The following OLFM1 variants were observed in gnomAD, a reference collection of about 807,000 sequenced individuals.
The protein encoded by OLFM1 is noelin.
A neutral mutation model predicts 49.7 loss-of-function variants in OLFM1; 9 were observed. The ratio of observed to expected loss-of-function variants is 0.18; its 90% confidence interval spans 0.11 to 0.32. The LOEUF (loss-of-function observed/expected upper bound fraction) is 0.32, where lower values mean the gene tolerates loss of function less well. OLFM1 is among the 10% of genes least tolerant of loss of function. The pLI is 1.00. For missense variants in OLFM1, 369 were observed against 661.8 expected, an observed-to-expected ratio of 0.56 and a Z score of 4.85; for synonymous variants, 240 against 271.8, an observed-to-expected ratio of 0.88 and a Z score of 1.15.
chr9:135,081,629 C>T (rs1219705935), intron 1 of OLFM1, among the ~76,000 whole-genome samples: 1 of 152,172 alleles, frequency 6.6e-6, no homozygotes, highest in Admixed American at 6.5e-5. Context: ...ACGTAGGCAG[C>T]CCTGTGCCCG....
Position 135,098,550 on chromosome 9 carries a change from C to T in OLFM1, c.676+45C>T. 6.5e-7 allele frequency: 1 copy of T among 1,533,398 alleles called. No homozygotes were observed. The highest frequency in any genetic ancestry group is 2.2e-5 in the East Asian group (1 of 44,464). 95.0% of individuals were successfully genotyped at this position (1,533,398 alleles called of 1,614,324 possible). On this transcript the variant is annotated intron_variant, in intron 4 of 5. Coordinates refer to ENST00000371793, the MANE Select transcript of OLFM1 (RefSeq NM_001282611.2). The surrounding 1 kb of genome is among the most constrained non-coding windows in gnomAD (Gnocchi z 5.6). ...GGACGTGGCGCTGCACTGCCCACCT[C>T]CGGCACACGCACAGGCTTAGGGAGT...
At chr9:135,118,383 G>A (rs912745039) in intron 5 of OLFM1, among the ~76,000 whole-genome samples, 1,595 of 146,150 alleles carry the variant, frequency 0.011, 47 homozygotes, top group African/African-American at 0.037. Flanking sequence ...TCTTTGGAGT[G>A]CTCGCTGGGT....
In OLFM1 at chr9:135,087,953, C is replaced by A; in HGVS notation, c.-37C>A. 7.2e-7 allele frequency: 1 copy of A among 1,392,292 alleles called. No individual in the cohort carries two copies. The highest frequency in any genetic ancestry group is 9.4e-7 in the Non-Finnish European group (1 of 1,059,688). 86.2% of individuals were successfully genotyped at this position (1,392,292 alleles called of 1,614,324 possible). On this transcript the variant is annotated 5_prime_UTR_variant, in exon 1 of 6. Transcript: ENST00000371793. ...GCCGCCTGGGCGCGGGAGCCGGTGC[C>A]AGCTCGGAGCGGGCGCTGGAGGCAG...
chr9:135,075,745 G>C, exon 1 of OLFM1: 4 of 1,605,752 alleles, frequency 2.5e-6, no homozygotes, highest in Non-Finnish European at 3.4e-6. Flanking sequence ...ACATGCACCC[G>C]GCCCGGAAGC....
Position 135,088,238 on chromosome 9 carries a change from C to T in OLFM1, c.150+99C>T, listed in dbSNP as rs1467708761. 1.6e-5 allele frequency: 18 copies of T among 1,118,952 alleles called. No homozygotes were observed. The highest frequency in any genetic ancestry group is 1.3e-5 in the Non-Finnish European group (12 of 892,240). The allele number at this position is 1,118,952 out of a possible 1,614,324, so 69.3% of individuals were successfully genotyped here. A position where few individuals can be genotyped will look rare whatever the true frequency, so the allele number is the denominator to read the frequency against. ...CGGGCTGGGCGGGCGCCGCGCGGGA[C>T]CCGAGTCGCCCAGGGAGGCGGCGGG... On this transcript the variant is annotated intron_variant, in intron 1 of 5. Coordinates refer to ENST00000371793, the MANE Select transcript of OLFM1 (RefSeq NM_001282611.2). This position sits in a 1 kb window ranked among gnomAD's most constrained non-coding sequence, Gnocchi z 4.8.
chr9:135,095,869 G>A lies in OLFM1; in HGVS notation c.306G>A (p.Gln102=). 6.2e-7 allele frequency: 1 copy of A among 1,612,974 alleles called. No individual in the cohort carries two copies. The highest frequency in any genetic ancestry group is 8.5e-7 in the Non-Finnish European group (1 of 1,179,444). Residue 102 remains glutamine, a synonymous_variant, in exon 3 of 6, where the codon CAG becomes CAA. Coordinates refer to ENST00000371793, the MANE Select transcript of OLFM1 (RefSeq NM_001282611.2). ...ACCTGTTGCCCTTTTGACAGGTGCA[G>A]AACATGTCTCAATCCATAGAGGTCT... ...KQLRQLLEKV[Q]NMSQSIEVLD... is the part of the protein sequence containing the mutation.
intron 5 of OLFM1, among the ~76,000 whole-genome samples, chr9:135,114,091 A>AT (rs1210710084): frequency 7.4e-6 from 1 of 134,806 alleles, no homozygotes; most frequent in African/African-American, 2.8e-5. Context: ...TTTAGGGCCC[A>AT]CCTTCATCCA....
Position 135,090,204 on chromosome 9 carries a change from A to G in OLFM1, c.160A>G (p.Thr54Ala). The G allele has an allele frequency of 6.2e-7, 1 of 1,607,094 alleles. No homozygotes were observed. Among genetic ancestry groups the G allele is most frequent in the Non-Finnish European group, 8.5e-7 (1 of 1,174,842 alleles). The part of the protein sequence containing the change: ...TLDRSTGVLP[T>A]NPEESWQVYS... Reference sequence around the variant, plus strand: ...CCCCGCCCCTCTCCAGGTGCTGCCCACCAACCCTGAGGAGAGCTGGCAGGT... The same window carrying G: ...CCCCGCCCCTCTCCAGGTGCTGCCCGCCAACCCTGAGGAGAGCTGGCAGGT... Residue 54 changes from threonine to alanine, a missense_variant, in exon 2 of 6, where the codon ACC becomes GCC. Physicochemically the swap from Thr to Ala is moderately conservative, Grantham distance 58 (BLOSUM62 0). Around this residue, in one of 3 missense-constraint regions of OLFM1, gnomAD observed 55 missense variants for 53.3 expected, o/e 1.03. Transcript: ENST00000371793.
rs1221993678 is a variant in OLFM1, at chr9:135,088,918, C to T, written c.150+779C>T. 6.6e-6 allele frequency among the ~76,000 whole-genome samples: 1 copy of T among 152,220 alleles called. No individual in the cohort carries two copies. The highest frequency in any genetic ancestry group is 1.5e-5 in the Non-Finnish European group (1 of 68,038). The stretch of plus-strand genomic sequence containing the variant: ...AACCGTGGCCGGGGCTGCTTCTGGG[C>T]AGAGCTGACTTAGATGGCTGAGCGA... On this transcript the variant is annotated intron_variant, in intron 1 of 5. Coordinates refer to ENST00000371793, the MANE Select transcript of OLFM1 (RefSeq NM_001282611.2). This position sits in a 1 kb window ranked among gnomAD's most constrained non-coding sequence, Gnocchi z 4.8.
intron 5 of OLFM1, among the ~76,000 whole-genome samples, chr9:135,107,134 GGCTGGGCTGGGC>G (rs1157343593): frequency 1.5e-3 from 8 of 5,176 alleles, no homozygotes; most frequent in Admixed American, 2.2e-3. Context: ...CGGCCCGGTG[GGCTGGGCTGGGC>G]TGGGCTGGGC....
At chr9:135,116,070 GC>G (rs1356606859) in intron 5 of OLFM1, among the ~76,000 whole-genome samples, 1 of 152,228 alleles carries the variant, frequency 6.6e-6, no homozygotes. Flanking sequence ...CAGAGAGGAA[GC>G]TAGCAGGCAT....
chr9:135,091,921 A>ATAGT (rs1237083287), intron 2 of OLFM1, among the ~76,000 whole-genome samples: 1 of 149,376 alleles, frequency 6.7e-6, no homozygotes, highest in African/African-American at 2.5e-5. Context: ...ACATAGTCAC[A>ATAGT]CACGTTCACA....
rs559018593 is a variant in OLFM1 at position 135,109,761 on chromosome 9, G to T, written c.783+2906G>T. On this transcript the variant is annotated intron_variant, in intron 5 of 5. Transcript: ENST00000371793. ...ATCAATGTCGGCTTCAGTGCAGGCTGCCACGGAGGGCATTGTAAGGCAGGT... is the reference window on the plus strand; with the variant it reads ...ATCAATGTCGGCTTCAGTGCAGGCTTCCACGGAGGGCATTGTAAGGCAGGT... 9.2e-5 allele frequency among the ~76,000 whole-genome samples: 14 copies of T among 152,272 alleles called. No individual in the cohort carries two copies. The South Asian group carries it at 2.3e-3, about 25-fold the overall frequency.
chr9:135,086,023 T>C (rs762547499), upstream of OLFM1, among the ~76,000 whole-genome samples: 5 of 152,192 alleles, frequency 3.3e-5, no homozygotes, highest in Non-Finnish European at 7.3e-5. Context: ...TTGGATTGGG[T>C]TGCATTTGAA....
chr9:135,118,318 AAGTGCTCACTGGGTCTTTGG>A (rs1376363595), intron 5 of OLFM1, among the ~76,000 whole-genome samples: 17 of 147,328 alleles, frequency 1.2e-4, no homozygotes, highest in African/African-American at 4.1e-4. Context: ...AGGTCTTTGG[AAGTGCTCACTGGGTCTTTGG>A]AGTGCTCGCT....
At chr9:135,108,549 C>T (rs1008903260) in intron 5 of OLFM1, among the ~76,000 whole-genome samples, 2 of 151,838 alleles carry the variant, frequency 1.3e-5, no homozygotes, top group African/African-American at 4.8e-5. Flanking sequence ...ATAAGAATCG[C>T]TTGAACCTGG....
chr9:135,114,999 G>C (rs995414494), intron 5 of OLFM1, among the ~76,000 whole-genome samples: 1 of 152,152 alleles, frequency 6.6e-6, no homozygotes, highest in African/African-American at 2.4e-5. Flanking sequence ...GGAAGGATGA[G>C]GCCAGGCAGG....
At chr9:135,087,630 C>G, upstream of OLFM1, 1 of 624,320 alleles carries the variant, frequency 1.6e-6, no homozygotes, top group Non-Finnish European at 2.3e-6. Flanking sequence ...AGCCCCGCCT[C>G]CCGGCCGCGG....
chr9:135,092,721 G>A (rs1486201355), intron 2 of OLFM1, among the ~76,000 whole-genome samples: 2 of 152,180 alleles, frequency 1.3e-5, no homozygotes, highest in African/African-American at 4.8e-5. Context: ...GCAGGCCCTG[G>A]AATGTTCCTT....
Sources: allele counts gnomAD v4.1 joint callset (sites outside exome capture counted in the v4.1 genomes callset), GRCh38; gene constraint gnomAD v4.1.1; regional missense constraint gnomAD v4.1.1; non-coding constraint Gnocchi (gnomAD v3.1); transcripts MANE v1.5; gene names NCBI Gene and HGNC (gene_info 2026-07-23, HGNC 2026-07-21).